Variants in DMD observed in about 807,000 individuals in gnomAD.
The protein encoded by DMD is mutant dystrophin.
Under a neutral mutation model 330.1 loss-of-function variants are expected in DMD, and 63 were observed. That is an observed-to-expected ratio of 0.19 (90% CI 0.16 to 0.24). The LOEUF is 0.24. Among genes scored for constraint, DMD ranks in the 10% least tolerant of loss-of-function variants. The pLI, the probability that DMD is intolerant of heterozygous loss-of-function variation, is 1.00. For missense variants in DMD, 3,344 were observed against 2,684.1 expected (o/e 1.25, Z -5.43); for synonymous variants, 1,223 against 959.8 (o/e 1.27, Z -5.07).
chrX:32,523,932 C>CTTTTTTTTTTTTTT (rs57254581), intron 17 of DMD, among the ~76,000 whole-genome samples: 1 of 87,449 alleles, frequency 1.1e-5, no homozygotes, highest in African/African-American at 4.5e-5. Context: ...CAAAAGAAAT[C>CTTTTTTTTTTTTTT]TTTTTTTTTT....
rs560481723 is a variant in DMD at position 32,779,250 on chromosome X, T to G, written c.649+30243A>C. Among the ~76,000 whole-genome samples, 23 of 105,405 alleles carry G rather than the reference T, an allele frequency of 2.2e-4. No individual in the cohort carries two copies. In the South Asian group the frequency reaches 7.5e-3, roughly 34 times the overall value. The allele number at this position is 105,405 out of a possible 115,157, so 91.5% of individuals were successfully genotyped here. A position where few individuals can be genotyped will look rare whatever the true frequency, so the allele number is the denominator to read the frequency against. On this transcript the variant is annotated intron_variant, in intron 7 of 78. Coordinates refer to ENST00000357033, the MANE Select transcript of DMD (RefSeq NM_004006.3). ...TATTCATCCCCTTTATTATTGATTTTACTGCACACACACAGAGAGTCATTA... is the reference window on the plus strand; with the variant it reads ...TATTCATCCCCTTTATTATTGATTTGACTGCACACACACAGAGAGTCATTA...
At chrX:31,626,664 T>A (rs1256868395) in intron 55 of DMD, among the ~76,000 whole-genome samples, 2 of 111,049 alleles carry the variant, frequency 1.8e-5, no homozygotes, top group Non-Finnish European at 3.8e-5. Flanking sequence ...TCAACTATCA[T>A]ATCAAAAAAG....
At chrX:33,116,231 C>T (rs1185431647) in intron 1 of DMD, among the ~76,000 whole-genome samples, 1 of 108,663 alleles carries the variant, frequency 9.2e-6, no homozygotes, top group Non-Finnish European at 1.9e-5. Flanking sequence ...ACAGGGCTGG[C>T]CGGGCACAGT....
chrX:32,421,773 G>A (rs763960334), intron 29 of DMD, among the ~76,000 whole-genome samples: 8 of 111,569 alleles, frequency 7.2e-5, no homozygotes, highest in Admixed American at 4.8e-4. Flanking sequence ...ACAGGTTTCC[G>A]GTGTGACGCT....
At chrX:31,894,667 G>T (rs1323093381) in intron 47 of DMD, among the ~76,000 whole-genome samples, 2 of 112,075 alleles carry the variant, frequency 1.8e-5, no homozygotes, top group Non-Finnish European at 3.8e-5. Flanking sequence ...TGTGTGAGGA[G>T]ATTCTTCTGA....
Position 31,687,935 on chromosome X carries a change from T to C in DMD, c.7661-8349A>G, listed in dbSNP as rs147816665. ...GAATGTTGGTATCTTTCTCTGTTTC[T>C]GAAGTTCTCTGATATTGTCCCTTTG... is the stretch of plus-strand genomic sequence containing the variant. On this transcript the variant is annotated intron_variant, in intron 52 of 78. Transcript: ENST00000357033. Among the ~76,000 whole-genome samples the C allele has an allele frequency of 1.4e-4, 16 of 111,328 alleles. 1 individual carries two copies. Among genetic ancestry groups the C allele is most frequent in the African/African-American group, 5.2e-4 (16 of 30,690 alleles).
chrX:32,293,480 G>T (rs1051514084), intron 42 of DMD, among the ~76,000 whole-genome samples: 1 of 111,245 alleles, frequency 9.0e-6, no homozygotes, highest in Non-Finnish European at 1.9e-5. Flanking sequence ...GGAGGGAAAA[G>T]TCAGCTCGGG....
At chrX:33,009,454 G>C (rs1411562918) in intron 2 of DMD, among the ~76,000 whole-genome samples, 2 of 80,117 alleles carry the variant, frequency 2.5e-5, no homozygotes, top group Non-Finnish European at 4.5e-5. Flanking sequence ...ATGTATGTAT[G>C]TGTATACACA....
At chrX:32,493,821 T>A (rs1204340103) in intron 19 of DMD, among the ~76,000 whole-genome samples, 3 of 111,720 alleles carry the variant, frequency 2.7e-5, no homozygotes, top group Non-Finnish European at 5.6e-5. Context: ...AGGAGAAATA[T>A]TTTCAGCATA....
chrX:31,747,327 A>G (rs2087929267), intron 51 of DMD, among the ~76,000 whole-genome samples: 1 of 111,811 alleles, frequency 8.9e-6, no homozygotes, highest in African/African-American at 3.2e-5. Flanking sequence ...TCTTCAGTAA[A>G]CAAAGAACAG....
intron 7 of DMD, among the ~76,000 whole-genome samples, chrX:32,703,554 T>C (rs918884723): frequency 9.0e-6 from 1 of 111,516 alleles, no homozygotes. Context: ...AGATTATGAG[T>C]ATATAGCAGA....
intron 1 of DMD, among the ~76,000 whole-genome samples, chrX:33,293,200 A>C (rs1305609569): frequency 2.7e-5 from 3 of 111,582 alleles, no homozygotes; most frequent in African/African-American, 9.8e-5. Flanking sequence ...TAGACCTGTC[A>C]GTGCCTAATA....
chrX:32,884,401 C>G (rs964102809), intron 2 of DMD, among the ~76,000 whole-genome samples: 1 of 111,925 alleles, frequency 8.9e-6, no homozygotes, highest in Non-Finnish European at 1.9e-5. Context: ...AAAGCGGTAC[C>G]AACAGCTACT....
At chrX:33,111,995 T>C (rs2095343095) in intron 1 of DMD, among the ~76,000 whole-genome samples, 1 of 111,248 alleles carries the variant, frequency 9.0e-6, no homozygotes, top group Non-Finnish European at 1.9e-5. Flanking sequence ...ATCTCAATTG[T>C]TTGCCAAATG....
chrX:32,893,018 T>A lies in DMD; in HGVS notation c.94-43198A>T, dbSNP rs755340032. On this transcript the variant is annotated intron_variant, in intron 2 of 78. Transcript: ENST00000357033. ...ATCATGTATCATTAGGGAGTAGAGG[T>A]AATGCTAAAAGCAAGGACTGAGAGT... Among the ~76,000 whole-genome samples, 251 of 111,977 alleles carry A rather than the reference T, an allele frequency of 2.2e-3. 2 individuals carry two copies. Among genetic ancestry groups the A allele is most frequent in the African/African-American group, 7.8e-3 (239 of 30,828 alleles).
At chrX:31,791,978 A>C (rs58357573) in intron 50 of DMD, among the ~76,000 whole-genome samples, 2,020 of 112,177 alleles carry the variant, frequency 0.018, 48 homozygotes, top group African/African-American at 0.062. Flanking sequence ...CTTTACATAT[A>C]ATTTAGTAGA....
At chrX:31,374,115 C>T (rs2059751779) in intron 60 of DMD, among the ~76,000 whole-genome samples, 1 of 90,815 alleles carries the variant, frequency 1.1e-5, no homozygotes, top group Admixed American at 1.2e-4. Flanking sequence ...ATCAAAACCA[C>T]AATGAGATAC....
At chrX:31,661,962 G>C (rs1758699106) in intron 53 of DMD, among the ~76,000 whole-genome samples, 2 of 111,390 alleles carry the variant, frequency 1.8e-5, no homozygotes, top group South Asian at 7.5e-4. Flanking sequence ...TACTTTAATT[G>C]TTTGTCTTCT....
intron 57 of DMD, among the ~76,000 whole-genome samples, chrX:31,480,060 G>GT (rs1411893178): frequency 8.9e-6 from 1 of 112,076 alleles, no homozygotes; most frequent in Non-Finnish European, 1.9e-5. Flanking sequence ...TAATATAACT[G>GT]TTTAACAATA....
Sources: gnomAD v4.1 joint callset for allele counts (sites outside exome capture counted in the v4.1 genomes callset) on GRCh38, gnomAD v4.1.1 for gene constraint, MANE v1.5 for transcripts, NCBI Gene and HGNC (gene_info 2026-07-23, HGNC 2026-07-21) for gene names.